Variants in HEMK2 observed in about 807,000 individuals in gnomAD.
HEMK2 encodes HemK methyltransferase 2, ETF1 glutamine and histone H4 lysine, also known as methyltransferase HEMK2.
At chr21:28,770,867 T>C in the HEMK2 span, among the ~76,000 whole-genome samples, 1 of 152,148 alleles carries the variant, frequency 6.6e-6, no homozygotes, top group Non-Finnish European at 1.5e-5. Context: ...ACTGAGCACC[T>C]AGATCAGACT....
At chr21:28,593,827 A>T in the HEMK2 span, among the ~76,000 whole-genome samples, 1 of 152,230 alleles carries the variant, frequency 6.6e-6, no homozygotes, top group South Asian at 2.1e-4. Context: ...AGAATAGACA[A>T]ATCTCTCTTG....
the HEMK2 span, among the ~76,000 whole-genome samples, chr21:28,780,265 C>T: frequency 6.6e-6 from 1 of 152,134 alleles, no homozygotes; most frequent in African/African-American, 2.4e-5. Context: ...GCAACCTCTG[C>T]CTCCCAGGTT....
the HEMK2 span, among the ~76,000 whole-genome samples, chr21:28,607,495 C>T: frequency 6.6e-6 from 1 of 152,122 alleles, no homozygotes; most frequent in Non-Finnish European, 1.5e-5. Context: ...TCATTGCAGG[C>T]AGAGAAGAGA....
chr21:28,588,630 A>G, the HEMK2 span, among the ~76,000 whole-genome samples: 3 of 152,224 alleles, frequency 2.0e-5, no homozygotes, highest in Non-Finnish European at 4.4e-5. Flanking sequence ...AGAAAGAGCA[A>G]CATAGATGTA....
chr21:28,760,790 T>G, the HEMK2 span, among the ~76,000 whole-genome samples: 9 of 152,208 alleles, frequency 5.9e-5, no homozygotes, highest in Non-Finnish European at 4.4e-5. Flanking sequence ...AGATATACAC[T>G]GAATTAACAG....
At chr21:28,817,898 G>A in the HEMK2 span, among the ~76,000 whole-genome samples, 2 of 152,132 alleles carry the variant, frequency 1.3e-5, no homozygotes, top group Non-Finnish European at 2.9e-5. Context: ...TTGTTAAAAT[G>A]GAATTAATAA....
At chr21:28,618,883 G>T in the HEMK2 span, among the ~76,000 whole-genome samples, 1 of 152,080 alleles carries the variant, frequency 6.6e-6, no homozygotes, top group Non-Finnish European at 1.5e-5. Context: ...CATGTACATT[G>T]GTCGTTATGA....
At chr21:28,883,260 T>C in the HEMK2 span, among the ~76,000 whole-genome samples, 2 of 152,302 alleles carry the variant, frequency 1.3e-5, no homozygotes, top group African/African-American at 2.4e-5. Flanking sequence ...TCAAAATTAC[T>C]AATATTTTGG....
chr21:28,615,433 C>T, the HEMK2 span, among the ~76,000 whole-genome samples: 2 of 151,340 alleles, frequency 1.3e-5, no homozygotes, highest in Admixed American at 1.3e-4. Context: ...CCACAAACCC[C>T]CACCTCCGAG....
the HEMK2 span, among the ~76,000 whole-genome samples, chr21:28,579,307 T>C: frequency 6.6e-6 from 1 of 152,222 alleles, no homozygotes. Context: ...CTTGTGTGTA[T>C]GTGTTTATAT....
At chr21:28,621,718 G>A in the HEMK2 span, among the ~76,000 whole-genome samples, 3 of 152,172 alleles carry the variant, frequency 2.0e-5, no homozygotes, top group Non-Finnish European at 4.4e-5. Flanking sequence ...TCTTAAGGGT[G>A]GGAGAGATTA....
the HEMK2 span, among the ~76,000 whole-genome samples, chr21:28,770,271 A>G: frequency 6.6e-6 from 1 of 152,258 alleles, no homozygotes; most frequent in Non-Finnish European, 1.5e-5. Context: ...GTTGGTAGGA[A>G]GAAACCCTTT....
the HEMK2 span, among the ~76,000 whole-genome samples, chr21:28,808,444 G>A: frequency 3.4e-5 from 5 of 148,056 alleles, no homozygotes; most frequent in African/African-American, 9.9e-5. Context: ...GAAACATGAC[G>A]AGGATTGCAT....
the HEMK2 span, among the ~76,000 whole-genome samples, chr21:28,788,288 A>G: frequency 0.12 from 13,426 of 113,670 alleles, 872 homozygotes; most frequent in East Asian, 0.36. Context: ...ATACACACAC[A>G]CACACACACA....
the HEMK2 span, among the ~76,000 whole-genome samples, chr21:28,602,724 T>C: frequency 1.4e-4 from 21 of 152,304 alleles, no homozygotes; most frequent in Admixed American, 7.2e-4. Context: ...GTGGAAATGA[T>C]AGATAACAGT....
At chr21:28,704,373 C>G in the HEMK2 span, among the ~76,000 whole-genome samples, 1 of 152,122 alleles carries the variant, frequency 6.6e-6, no homozygotes, top group Non-Finnish European at 1.5e-5. Context: ...AGACTTCAAA[C>G]AAAACGCATG....
At chr21:28,585,885 A>G in the HEMK2 span, among the ~76,000 whole-genome samples, 1 of 62,528 alleles carries the variant, frequency 1.6e-5, no homozygotes, top group African/African-American at 3.0e-5. Flanking sequence ...AACAAATTAT[A>G]ATATAACCAT....
At chr21:28,809,376 T>C in the HEMK2 span, among the ~76,000 whole-genome samples, 4,308 of 152,288 alleles carry the variant, frequency 0.028, 102 homozygotes, top group Middle Eastern at 0.099. Context: ...TTTTATGGTC[T>C]ACTTATGTAA....
chr21:28,729,704 C>T, the HEMK2 span, among the ~76,000 whole-genome samples: 1 of 151,466 alleles, frequency 6.6e-6, no homozygotes, highest in Admixed American at 6.6e-5. Context: ...TTTTGTGTTG[C>T]ATTAAAAGTT....
Sources: gnomAD v4.1 joint callset for allele counts (sites outside exome capture counted in the v4.1 genomes callset) on GRCh38, gnomAD v4.1.1 for gene constraint, MANE v1.5 for transcripts, NCBI Gene and HGNC (gene_info 2026-07-23, HGNC 2026-07-21) for gene names.